QRICH1: variants seen among roughly 807,000 people sequenced by gnomAD.
QRICH1 encodes the protein glutamine rich 1.
A neutral mutation model predicts 87.1 loss-of-function variants in QRICH1; 16 were observed. The observed-to-expected ratio is 0.18, with a 90% CI of 0.12 to 0.28. QRICH1 has a LOEUF of 0.28. Among genes scored for constraint, QRICH1 ranks in the 10% least tolerant of loss-of-function variants. QRICH1 has a pLI of 1.00. For missense variants in QRICH1, 647 were observed against 951.7 expected (o/e 0.68, Z 4.21); for synonymous variants, 367 against 368.4 (o/e 1.00, Z 0.05).
chr3:49,032,757 T>C lies in QRICH1; in HGVS notation c.1912A>G (p.Thr638Ala). The C allele has an allele frequency of 6.2e-7, 1 of 1,605,550 alleles. No homozygotes were observed. Among genetic ancestry groups the C allele is most frequent in the Non-Finnish European group, 8.5e-7 (1 of 1,177,518 alleles). The change falls in exon 8 of 10, where the codon ACA becomes GCA. Residue 638 changes from threonine (T) to alanine (A), a missense_variant. Around this residue, in one of 7 missense-constraint regions of QRICH1, gnomAD observed 187 missense variants for 309.5 expected, o/e 0.60. Transcript: ENST00000395443. ...FFNTKYFLLK[T>A]VDQHMKLAFS... ...GCCAGCTTCATGTGCTGGTCCACTG[T>C]CTTCAATAGGAAGTACCTGGATCAC...
chr3:49,058,783 C>T (rs1270795331), intron 2 of QRICH1, among the ~76,000 whole-genome samples: 1 of 152,030 alleles, frequency 6.6e-6, no homozygotes, highest in Non-Finnish European at 1.5e-5. Context: ...AATGCATCAC[C>T]ATGCCCAGCT....
chr3:49,080,601 C>T (rs1430525760), intron 1 of QRICH1, among the ~76,000 whole-genome samples: 4 of 152,032 alleles, frequency 2.6e-5, no homozygotes, highest in Non-Finnish European at 5.9e-5. Flanking sequence ...CTCTATGATC[C>T]TCCTAGTAAC....
In QRICH1 at chr3:49,076,733, C is replaced by T. The variant is rs1368316223; in HGVS notation, c.285G>A (p.Gln95=). 3.2e-6 allele frequency: 5 copies of T among 1,585,760 alleles called. No individual in the cohort carries two copies. Among genetic ancestry groups the T allele is most frequent in the Non-Finnish European group, 4.3e-6 (5 of 1,161,246 alleles). The part of the protein sequence containing the change: ...QPQTQQEQQI[Q]VQQPQQVQVQ... The stretch of plus-strand genomic sequence containing the variant: ...CCTGAACCTGCTGCGGCTGCTGAAC[C>T]TGGATCTGCTGTTCTTGCTGGGTTT... The change falls in exon 2 of 10, where the codon CAG becomes CAA. Residue 95 remains glutamine, a synonymous_variant. Transcript: ENST00000395443.
intron 2 of QRICH1, among the ~76,000 whole-genome samples, chr3:49,061,078 T>C (rs954678622): frequency 7.5e-6 from 1 of 133,456 alleles, no homozygotes; most frequent in East Asian, 2.2e-4. Context: ...GAAGTTGAAG[T>C]GAGCAGAGAG....
chr3:49,041,012 C>T (rs1391579528), intron 6 of QRICH1, among the ~76,000 whole-genome samples: 1 of 152,198 alleles, frequency 6.6e-6, no homozygotes, highest in Non-Finnish European at 1.5e-5. Flanking sequence ...GTTGCCCAGG[C>T]TGGAGTGCAG....
At chr3:49,036,105 A>G (rs2093273811) in intron 6 of QRICH1, among the ~76,000 whole-genome samples, 1 of 152,034 alleles carries the variant, frequency 6.6e-6, no homozygotes, top group African/African-American at 2.4e-5. Flanking sequence ...AAATAAATCA[A>G]AATAAAATAA....
At chr3:49,078,927 G>C (rs1384312231) in intron 1 of QRICH1, among the ~76,000 whole-genome samples, 3 of 151,472 alleles carry the variant, frequency 2.0e-5, no homozygotes, top group African/African-American at 7.3e-5. Context: ...CCTGACTTCA[G>C]GTGACCCTCC....
chr3:49,074,547 G>A (rs996157836), intron 2 of QRICH1, among the ~76,000 whole-genome samples: 1 of 151,700 alleles, frequency 6.6e-6, no homozygotes, highest in Non-Finnish European at 1.5e-5. Flanking sequence ...ACTCCAGCCT[G>A]GGGGACAGAG....
chr3:49,065,780 AC>A (rs2106937673), intron 2 of QRICH1, among the ~76,000 whole-genome samples: 1 of 151,490 alleles, frequency 6.6e-6, no homozygotes, highest in Non-Finnish European at 1.5e-5. Flanking sequence ...TCCCGGGTTC[AC>A]GCCATTCTCC....
At chr3:49,046,344 C>T (rs2093339537) in intron 5 of QRICH1, 81 bp downstream of exon 5, 1 of 1,392,500 alleles carries the variant, frequency 7.2e-7, no homozygotes, top group Non-Finnish European at 9.7e-7. Flanking sequence ...TAACTTCTTG[C>T]TTATCAATTT....
intron 7 of QRICH1, 124 bp downstream of exon 7, chr3:49,032,995 TG>T: frequency 1.1e-6 from 1 of 941,468 alleles, no homozygotes. Flanking sequence ...TGCAGCCAAG[TG>T]GGGTTAGGGC....
intron 6 of QRICH1, among the ~76,000 whole-genome samples, chr3:49,043,517 A>G (rs2093322644): frequency 7.5e-6 from 1 of 134,102 alleles, no homozygotes; most frequent in Admixed American, 8.9e-5. Flanking sequence ...AAAAAAAAAA[A>G]AAAAAAGTCT....
rs1277032165 is a variant in QRICH1 at position 49,029,707 on chromosome 3, T to C, written c.*745A>G. On this transcript the variant is annotated 3_prime_UTR_variant, in exon 10 of 10. Transcript: ENST00000395443. ...AATAAAGAGACGTTGTTCACTAACA[T>C]GTTGAAAAGACGTGCTTGTCATTCT... 5.4e-6 allele frequency: 2 copies of C among 371,438 alleles called. No individual in the cohort carries two copies. The highest frequency in any genetic ancestry group is 4.5e-5 in the Admixed American group (1 of 22,416). The allele number at this position is 371,438 out of a possible 1,614,324, so 23.0% of individuals were successfully genotyped here. A position where few individuals can be genotyped will look rare whatever the true frequency, so the allele number is the denominator to read the frequency against.
chr3:49,081,158 T>G (rs1270750151), intron 1 of QRICH1, among the ~76,000 whole-genome samples: 1 of 152,088 alleles, frequency 6.6e-6, no homozygotes, highest in Non-Finnish European at 1.5e-5. Context: ...GGCTCAGGCC[T>G]CTAATCCCAG....
At chr3:49,032,913 G>T (rs1158517013) in intron 7 of QRICH1, 140 bp from the exon 8 acceptor site, 5 of 1,115,552 alleles carry the variant, frequency 4.5e-6, no homozygotes, top group African/African-American at 3.2e-5. Flanking sequence ...GCAGTGTCCA[G>T]TGCAGGAACC....
chr3:49,032,155 T>A, intron 9 of QRICH1, 28 bp downstream of exon 9: 1 of 1,549,578 alleles, frequency 6.5e-7, no homozygotes, highest in East Asian at 2.2e-5. Flanking sequence ...TGCGCACACA[T>A]GGACAGCAAG....
intron 3 of QRICH1, among the ~76,000 whole-genome samples, chr3:49,049,362 T>C (rs2093357126): frequency 6.6e-6 from 1 of 151,678 alleles, no homozygotes; most frequent in African/African-American, 2.4e-5. Context: ...TAAGAATCAC[T>C]TGAACCCAGG....
intron 6 of QRICH1, among the ~76,000 whole-genome samples, chr3:49,040,844 T>C (rs1041385554): frequency 1.3e-5 from 2 of 152,220 alleles, no homozygotes; most frequent in African/African-American, 4.8e-5. Context: ...AAGTGATAAA[T>C]GACATGTTAC....
At chr3:49,044,302 C>CA in intron 6 of QRICH1, 88 bp downstream of exon 6, 2 of 1,042,342 alleles carry the variant, frequency 1.9e-6, no homozygotes, top group South Asian at 3.0e-5. Flanking sequence ...CCCCCTCACT[C>CA]ACATGCTTTT....
Sources: allele counts gnomAD v4.1 joint callset (sites outside exome capture counted in the v4.1 genomes callset), GRCh38; gene constraint gnomAD v4.1.1; regional missense constraint gnomAD v4.1.1; transcripts MANE v1.5; gene names NCBI Gene and HGNC (gene_info 2026-07-23, HGNC 2026-07-21).